Variants in MVB12B observed in about 807,000 individuals in gnomAD.
MVB12B encodes the protein multivesicular body subunit 12B, also known as ESCRT-I complex subunit MVB12B.
MVB12B carries 16 observed loss-of-function variants against 41.6 expected under a neutral mutation model. The ratio of observed to expected loss-of-function variants is 0.38; its 90% CI spans 0.26 to 0.58. The LOEUF (loss-of-function observed/expected upper bound fraction) is 0.58. MVB12B is among the 20% of genes least tolerant of loss of function. The pLI is 0.62. For synonymous variants in MVB12B, 133 were observed against 139.7 expected, an observed-to-expected ratio of 0.95 and a Z score of 0.34; for missense variants, 274 against 380.2, an observed-to-expected ratio of 0.72 and a Z score of 2.32.
chr9:126,415,816 C>A (rs547879922), intron 6 of MVB12B, among the ~76,000 whole-genome samples: 1 of 152,240 alleles, frequency 6.6e-6, no homozygotes, highest in African/African-American at 2.4e-5. Context: ...ACAAGTCAGA[C>A]AGCCCGATAG....
intron 2 of MVB12B, among the ~76,000 whole-genome samples, chr9:126,355,006 A>G (rs1044642749): frequency 2.6e-5 from 4 of 151,858 alleles, no homozygotes; most frequent in African/African-American, 9.7e-5. Context: ...TTTTTTTCCA[A>G]TTGTGTAGCT....
chr9:126,399,299 C>T (rs1490671049), intron 6 of MVB12B, among the ~76,000 whole-genome samples: 1 of 152,244 alleles, frequency 6.6e-6, no homozygotes, highest in Non-Finnish European at 1.5e-5. Flanking sequence ...GGACCCAGAG[C>T]CTCTCCATAT....
At chr9:126,355,382 A>G (rs1021324673) in intron 2 of MVB12B, among the ~76,000 whole-genome samples, 1 of 152,224 alleles carries the variant, frequency 6.6e-6, no homozygotes, top group Admixed American at 6.5e-5. Flanking sequence ...TGTAGTAGAT[A>G]TAACAGCAGC....
chr9:126,412,215 G>A (rs1169511544), intron 6 of MVB12B, among the ~76,000 whole-genome samples: 1 of 152,154 alleles, frequency 6.6e-6, no homozygotes, highest in African/African-American at 2.4e-5. Context: ...TTTTATAAGA[G>A]CCTTTTTCTT....
intron 1 of MVB12B, chr9:126,327,392 TG>T: frequency 1.1e-6 from 1 of 931,738 alleles, no homozygotes; most frequent in South Asian, 4.9e-5. Context: ...CGGCCTGGCC[TG>T]GGGTCCTGCT....
intron 2 of MVB12B, among the ~76,000 whole-genome samples, chr9:126,363,462 G>A (rs1373424886): frequency 2.6e-5 from 4 of 152,158 alleles, no homozygotes; most frequent in East Asian, 1.9e-4. Flanking sequence ...CGTTCTCCAC[G>A]CTCCTTTCTT....
Position 126,339,572 on chromosome 9 carries a change from T to G in MVB12B, c.82-936T>G, listed in dbSNP as rs79958417. Reference sequence around the variant, plus strand: ...CATCAAGAGGCAGTCAGCAGCAGAATAATAATTCCATTTTCCCTCCCTTTC... The same window carrying G: ...CATCAAGAGGCAGTCAGCAGCAGAAGAATAATTCCATTTTCCCTCCCTTTC... On this transcript the variant is annotated intron_variant, in intron 1 of 9. Transcript: ENST00000361171. Among the ~76,000 whole-genome samples, 363 of 152,302 alleles carry G rather than the reference T, an allele frequency of 2.4e-3. 1 individual carries two copies. Among genetic ancestry groups the G allele is most frequent in the African/African-American group, 8.6e-3 (356 of 41,552 alleles).
chr9:126,346,177 T>G (rs1250176153), intron 2 of MVB12B, among the ~76,000 whole-genome samples: 1 of 152,142 alleles, frequency 6.6e-6, no homozygotes, highest in African/African-American at 2.4e-5. Context: ...CGGAAAACCC[T>G]TCGGGGGAGG....
rs1828989829 is a variant in MVB12B at position 126,327,004 on chromosome 9, G to A, written c.75G>A (p.Arg25=). ...AGCCACCGCCGCCGCCGCCCCAGCG[G>A]GGAACAGTTAAGTGAGGCCCGGGCG... The part of the protein sequence containing the change: ...PPQPPPPPPQ[R]GTDQSTMPEV... Residue 25 remains arginine, a synonymous_variant, in exon 1 of 10, where the codon CGG becomes CGA. Coordinates refer to ENST00000361171, the MANE Select transcript of MVB12B (RefSeq NM_033446.3). 4.3e-6 allele frequency: 1 copy of A among 232,730 alleles called. No individual in the cohort carries two copies. The allele number at this position is 232,730 out of a possible 1,614,324, so 14.4% of individuals were successfully genotyped here.
intron 1 of MVB12B, among the ~76,000 whole-genome samples, chr9:126,336,730 G>A (rs1478442583): frequency 7.0e-6 from 1 of 143,822 alleles, no homozygotes; most frequent in Admixed American, 7.1e-5. Context: ...ACTTGTGGGC[G>A]CACATACATG....
chr9:126,395,708 G>T lies in MVB12B; in HGVS notation c.662+11G>T, dbSNP rs995698601. ...CCCCAACCTTCCCAGGTGAGGCCTT[G>T]TCGGGGTGTCTTGCGTTGTCCTGTG... On this transcript the variant is annotated intron_variant, in intron 6 of 9. Transcript: ENST00000361171. This position sits in a 1 kb window ranked among gnomAD's most constrained non-coding sequence, Gnocchi z 4.9. The T allele has an allele frequency of 6.2e-7, 1 of 1,613,826 alleles. No individual in the cohort carries two copies. Among genetic ancestry groups the T allele is most frequent in the Non-Finnish European group, 8.5e-7 (1 of 1,179,856 alleles).
Position 126,481,442 on chromosome 9 carries a change from T to C in MVB12B, c.813+18T>C, listed in dbSNP as rs747042129. On this transcript the variant is annotated intron_variant, in intron 8 of 9. Coordinates refer to ENST00000361171, the MANE Select transcript of MVB12B (RefSeq NM_033446.3). ...CAGAAAGTGTAAGTTTTATGCATGA[T>C]CGCCCTTCCCCTCTGCCACCCCCCA... The C allele has an allele frequency of 6.2e-7, 1 of 1,604,420 alleles. No homozygotes were observed. The highest frequency in any genetic ancestry group is 1.1e-5 in the South Asian group (1 of 90,898).
chr9:126,380,910 A>G (rs1830617911), intron 2 of MVB12B, among the ~76,000 whole-genome samples, 154 bp from the exon 3 acceptor site: 1 of 152,196 alleles, frequency 6.6e-6, no homozygotes, highest in African/African-American at 2.4e-5. Context: ...CCTTTTGGAA[A>G]ATCTCATCCC....
chr9:126,338,836 T>C (rs1829359857), intron 1 of MVB12B, among the ~76,000 whole-genome samples: 1 of 152,248 alleles, frequency 6.6e-6, no homozygotes, highest in Admixed American at 6.5e-5. Flanking sequence ...TCTAAACCTT[T>C]ACTGGGGACA....
At chr9:126,475,377 C>T (rs1833400974) in intron 7 of MVB12B, among the ~76,000 whole-genome samples, 1 of 152,182 alleles carries the variant, frequency 6.6e-6, no homozygotes, top group Non-Finnish European at 1.5e-5. Context: ...ATGTGTGGTT[C>T]AACCAGTTAT....
chr9:126,486,644 C>T lies in MVB12B; in HGVS notation c.873+2612C>T, dbSNP rs1833624375. 6.6e-6 allele frequency among the ~76,000 whole-genome samples: 1 copy of T among 152,226 alleles called. No individual in the cohort carries two copies. Among genetic ancestry groups the T allele is most frequent in the Non-Finnish European group, 1.5e-5 (1 of 68,040 alleles). The stretch of plus-strand genomic sequence containing the variant: ...CCTAATGGTGGCACCGTTTAAGCAC[C>T]TGCTGTGTGCTCAGCCTGGGGCCTG... On this transcript the variant is annotated intron_variant, in intron 9 of 9. Transcript: ENST00000361171. This position sits in a 1 kb window ranked among gnomAD's most constrained non-coding sequence, Gnocchi z 4.7.
chr9:126,329,407 A>G (rs2118776739), intron 1 of MVB12B, among the ~76,000 whole-genome samples: 1 of 152,310 alleles, frequency 6.6e-6, no homozygotes, highest in Non-Finnish European at 1.5e-5. Flanking sequence ...TGTTTTTTTC[A>G]GGTCCGATGT....
At chr9:126,496,891 G>A (rs1161472259) in intron 9 of MVB12B, among the ~76,000 whole-genome samples, 2 of 152,112 alleles carry the variant, frequency 1.3e-5, no homozygotes, top group Non-Finnish European at 2.9e-5. Flanking sequence ...GTCCCCCAGG[G>A]GACAGGCAGC....
At chr9:126,423,954 T>C (rs116288780) in intron 7 of MVB12B, among the ~76,000 whole-genome samples, 1 of 152,214 alleles carries the variant, frequency 6.6e-6, no homozygotes, top group Non-Finnish European at 1.5e-5. Context: ...CCAGTACCCA[T>C]GCCTTGATAG....
Sources: allele counts gnomAD v4.1 joint callset (sites outside exome capture counted in the v4.1 genomes callset), GRCh38; gene constraint gnomAD v4.1.1; non-coding constraint Gnocchi (gnomAD v3.1); transcripts MANE v1.5; gene names NCBI Gene and HGNC (gene_info 2026-07-23, HGNC 2026-07-21).